Variants in SUCO observed in about 807,000 individuals in gnomAD.
SUCO encodes the protein SUN domain containing ossification factor.
A neutral mutation model predicts 148.1 loss-of-function variants in SUCO; 57 were observed. That is an observed-to-expected ratio of 0.38 (90% CI 0.31 to 0.48). The LOEUF is 0.48. SUCO is among the 20% of genes least tolerant of loss of function. The pLI, the probability that SUCO is intolerant of heterozygous loss-of-function variation, is 0.96. For synonymous variants in SUCO, 470 were observed against 502.7 expected (o/e 0.93, Z 0.87); for missense variants, 1,331 against 1,468.2 (o/e 0.91, Z 1.53).
At chr1:172,590,875 T>C in intron 18 of SUCO, 109 bp from the exon 19 acceptor site, 1 of 745,530 alleles carries the variant, frequency 1.3e-6, no homozygotes, top group Non-Finnish European at 2.2e-6. Context: ...TAAGAGTCAC[T>C]TTCAGAAAAA....
At chr1:172,599,563 A>G (rs1657363575) in intron 19 of SUCO, 1 of 205,516 alleles carries the variant, frequency 4.9e-6, no homozygotes, top group Non-Finnish European at 8.6e-6. Context: ...ATGAACAATT[A>G]TGGATATTTC....
intron 1 of SUCO, among the ~76,000 whole-genome samples, chr1:172,542,378 G>A (rs539392998): frequency 4.0e-5 from 6 of 151,838 alleles, no homozygotes; most frequent in South Asian, 2.1e-4. Context: ...GCGAAACTCC[G>A]TCTCAAAAAA....
intron 2 of SUCO, 84 bp downstream of exon 2, chr1:172,551,710 A>G (rs1571195531): frequency 2.4e-6 from 2 of 831,450 alleles, no homozygotes; most frequent in South Asian, 1.9e-5. Flanking sequence ...AGTAATTTCA[A>G]AAATGCCATG....
In SUCO at chr1:172,610,182, C is replaced by T. The variant is rs987238338; in HGVS notation, c.3688C>T (p.Leu1230=). 1 of 1,613,412 alleles carries T rather than the reference C, an allele frequency of 6.2e-7. No individual in the cohort carries two copies. The highest frequency in any genetic ancestry group is 1.3e-5 in the African/African-American group (1 of 75,000). The change falls in exon 24 of 24, where the codon CTG becomes TTG. Residue 1230 remains leucine, a synonymous_variant. Transcript: ENST00000263688. ...IQTKSGSLPS[L]HDIIKGNKEI... is the part of the protein sequence containing the mutation. The stretch of plus-strand genomic sequence containing the variant: ...GACTAAGTCGGGATCATTGCCGAGC[C>T]TGCATGACATAATCAAAGGAAACAA...
chr1:172,585,922 T>A lies in SUCO; in HGVS notation c.1632T>A (p.Pro544=). ...CACCTAAAATGCCTGAATCAACTCC[T>A]GTTTCAACTCCTGTTCCATCTCCTG... The part of the protein sequence containing the change: ...TAAPKMPEST[P]VSTPVPSPEY... Residue 544 remains proline (P), a synonymous_variant, in exon 17 of 24, where the codon CCT becomes CCA. Transcript: ENST00000263688. 1 of 1,610,384 alleles carries A rather than the reference T, an allele frequency of 6.2e-7. No homozygotes were observed. The highest frequency in any genetic ancestry group is 8.5e-7 in the Non-Finnish European group (1 of 1,177,862).
At chr1:172,608,917 T>C in intron 23 of SUCO, 115 bp downstream of exon 23, 1 of 738,884 alleles carries the variant, frequency 1.4e-6, no homozygotes, top group Non-Finnish European at 2.3e-6. Context: ...GAATGTTTAT[T>C]TTCTATCATG....
intron 7 of SUCO, chr1:172,569,506 A>G: frequency 1.0e-6 from 1 of 982,840 alleles, no homozygotes; most frequent in Non-Finnish European, 1.2e-6. Context: ...TAACTTACCA[A>G]AAGGTGTTTT....
chr1:172,581,090 ACT>A (rs1384540273), intron 15 of SUCO, among the ~76,000 whole-genome samples: 1 of 152,094 alleles, frequency 6.6e-6, no homozygotes, highest in East Asian at 1.9e-4. Context: ...ACAGAGTGAG[ACT>A]CTGTCTCAAA....
intron 16 of SUCO, 32 bp downstream of exon 16, chr1:172,585,118 G>A: frequency 6.7e-7 from 1 of 1,486,912 alleles, no homozygotes; most frequent in Non-Finnish European, 9.2e-7. Flanking sequence ...CTTTTAAATA[G>A]CTGGTACTCC....
intron 12 of SUCO, 90 bp downstream of exon 12, chr1:172,577,649 A>C: frequency 6.3e-7 from 1 of 1,578,444 alleles, no homozygotes; most frequent in Admixed American, 1.8e-5. Flanking sequence ...TTTTGGGGAA[A>C]ATAAGGACTT....
At chr1:172,535,159 A>C (rs919031500) in intron 1 of SUCO, among the ~76,000 whole-genome samples, 1 of 152,204 alleles carries the variant, frequency 6.6e-6, no homozygotes, top group South Asian at 2.1e-4. Flanking sequence ...TTTCCCTGTT[A>C]GGGAACAAAT....
chr1:172,560,880 G>A (rs1193865037), intron 6 of SUCO, among the ~76,000 whole-genome samples: 1 of 152,188 alleles, frequency 6.6e-6, no homozygotes, highest in Non-Finnish European at 1.5e-5. Flanking sequence ...GCTGAATTGG[G>A]GCACAAATGG....
At chr1:172,583,052 C>T (rs558940318) in intron 15 of SUCO, among the ~76,000 whole-genome samples, 83 of 152,146 alleles carry the variant, frequency 5.5e-4, no homozygotes, top group African/African-American at 2.0e-3. Context: ...GTTGATTGCA[C>T]AATTTGGGTT....
intron 1 of SUCO, among the ~76,000 whole-genome samples, chr1:172,540,199 G>C (rs1045397171): frequency 6.6e-6 from 1 of 152,196 alleles, no homozygotes; most frequent in Non-Finnish European, 1.5e-5. Context: ...GAACTAAGAA[G>C]GCCAGGTTCT....
Position 172,533,458 on chromosome 1 carries a change from T to C in SUCO, c.23T>C (p.Leu8Ser), listed in dbSNP as rs1405539794. The C allele has an allele frequency of 1.3e-6, 2 of 1,565,686 alleles. No homozygotes were observed. Among genetic ancestry groups the C allele is most frequent in the South Asian group, 2.3e-5 (2 of 85,176 alleles). The change falls in exon 1 of 24, where the codon TTG (leucine) becomes TCG (serine). Residue 8 changes from leucine to serine, a missense_variant. Physicochemically the swap from Leu to Ser is moderately radical, Grantham distance 145. Around this residue, in one of 3 missense-constraint regions of SUCO, gnomAD observed 992 missense variants for 1,093.5 expected, o/e 0.91. Transcript: ENST00000263688. MKKHRRA[L>S]ALVSCLFLCS... ...AAGATGAAGAAGCACCGGCGGGCCTTGGCCCTGGTCTCCTGCCTCTTTCTG... is the reference window on the plus strand; with the variant it reads ...AAGATGAAGAAGCACCGGCGGGCCTCGGCCCTGGTCTCCTGCCTCTTTCTG...
intron 1 of SUCO, among the ~76,000 whole-genome samples, chr1:172,540,079 A>G (rs1401178081): frequency 1.3e-5 from 2 of 152,204 alleles, no homozygotes; most frequent in Non-Finnish European, 2.9e-5. Flanking sequence ...TTCTCTGTAT[A>G]GATGTTTTAA....
At chr1:172,543,068 G>T in intron 1 of SUCO, 1 of 953,596 alleles carries the variant, frequency 1.0e-6, no homozygotes, top group South Asian at 4.8e-5. Flanking sequence ...ATGTAGAGTA[G>T]CTTCATACTT....
rs1656156055 is a variant in SUCO, at chr1:172,585,226, TTTA to T, written c.1567+146_1567+148del. The T allele has an allele frequency of 1.0e-5, 8 of 803,850 alleles. No homozygotes were observed. In the South Asian group the frequency reaches 2.1e-4, roughly 21 times the overall value. 49.8% of individuals were successfully genotyped at this position (803,850 alleles called of 1,614,324 possible). On this transcript the variant is annotated intron_variant, in intron 16 of 23. Transcript: ENST00000263688. ...AATAATTCAGAGGAACTTACCAATC[TTTA>T]TTATTCATTGTTTATTTGAATTTCA...
intron 2 of SUCO, chr1:172,551,962 A>T (rs1471414571): frequency 6.3e-6 from 1 of 159,784 alleles, no homozygotes; most frequent in African/African-American, 2.4e-5. Context: ...GAACTATTAG[A>T]AGTGAGTATT....
Sources: gnomAD v4.1 joint callset for allele counts (sites outside exome capture counted in the v4.1 genomes callset) on GRCh38, gnomAD v4.1.1 for gene constraint, gnomAD v4.1.1 regional missense constraint, MANE v1.5 for transcripts, NCBI Gene and HGNC (gene_info 2026-07-23, HGNC 2026-07-21) for gene names.